Variants in C7 observed in about 807,000 individuals in gnomAD.
C7 encodes complement component C7.
In C7, 83 loss-of-function variants were observed where a neutral mutation model predicts 104.8. That is an observed-to-expected ratio of 0.79 (90% CI 0.66 to 0.95). The LOEUF is 0.95. C7 is among the 40% of genes least tolerant of loss of function. The pLI is 0.00. For synonymous variants in C7, 415 were observed against 360.6 expected, an observed-to-expected ratio of 1.15 and a Z score of -1.71; for missense variants, 1,070 against 1,011.2, an observed-to-expected ratio of 1.06 and a Z score of -0.79.
intron 1 of C7, among the ~76,000 whole-genome samples, chr5:40,910,155 C>G (rs1229126100): frequency 1.3e-5 from 2 of 151,722 alleles, no homozygotes; most frequent in Non-Finnish European, 1.5e-5. Context: ...AACTAAAGGT[C>G]TACCAAGTAT....
intron 1 of C7, among the ~76,000 whole-genome samples, chr5:40,919,937 AAAG>A (rs1739404837): frequency 6.6e-6 from 1 of 152,202 alleles, no homozygotes; most frequent in South Asian, 2.1e-4. Flanking sequence ...GGAAACAGAA[AAAG>A]AAGAATAAAC....
chr5:40,916,854 C>T (rs1352522492), intron 1 of C7, among the ~76,000 whole-genome samples: 2 of 152,108 alleles, frequency 1.3e-5, no homozygotes, highest in Non-Finnish European at 2.9e-5. Flanking sequence ...TAACCATATG[C>T]ATTACCTCCC....
intron 7 of C7, 41 bp from the exon 8 acceptor site, chr5:40,947,561 C>A: frequency 6.2e-7 from 1 of 1,605,074 alleles, no homozygotes; most frequent in Non-Finnish European, 8.5e-7. Context: ...GCCTTTTTAT[C>A]TTCCACCTAA....
chr5:40,951,120 A>G (rs775844770), intron 9 of C7, among the ~76,000 whole-genome samples: 2 of 152,198 alleles, frequency 1.3e-5, no homozygotes, highest in Non-Finnish European at 2.9e-5. Context: ...CAGAGTGAAG[A>G]TAAGGACCAA....
At chr5:40,979,581 G>A in intron 16 of C7, 144 bp from the exon 17 acceptor site, 1 of 600,354 alleles carries the variant, frequency 1.7e-6, no homozygotes, top group Non-Finnish European at 2.8e-6. Flanking sequence ...GAATGAAGGG[G>A]ATTTGAGTTT....
intron 7 of C7, among the ~76,000 whole-genome samples, chr5:40,945,872 ATACATAT>A: frequency 1.7e-5 from 1 of 59,424 alleles, no homozygotes; most frequent in Non-Finnish European, 3.1e-5. Context: ...TCAAAAAAAA[ATACATAT>A]ATATATATAT....
At chr5:40,975,652 C>T (rs908208379) in intron 15 of C7, among the ~76,000 whole-genome samples, 6 of 152,126 alleles carry the variant, frequency 3.9e-5, no homozygotes, top group African/African-American at 1.4e-4. Context: ...GCGTGAGCCA[C>T]CGCGCCCAGC....
At chr5:40,920,393 A>G (rs570188429) in intron 1 of C7, among the ~76,000 whole-genome samples, 5 of 152,200 alleles carry the variant, frequency 3.3e-5, no homozygotes, top group African/African-American at 1.2e-4. Flanking sequence ...ATATTTACAT[A>G]TTGTATAAAT....
chr5:40,936,344 G>A lies in C7; in HGVS notation c.287G>A (p.Cys96Tyr). 2 of 1,613,178 alleles carry A rather than the reference G, an allele frequency of 1.2e-6. No homozygotes were observed. Among genetic ancestry groups the A allele is most frequent in the South Asian group, 1.1e-5 (1 of 91,038 alleles). The change falls in exon 5 of 18, where the codon TGC (cysteine) becomes TAC (tyrosine). Residue 96 changes from cysteine (C) to tyrosine (Y), a missense_variant. Physicochemically the swap from Cys to Tyr is radical, Grantham distance 194 (BLOSUM62 -2). Coordinates refer to ENST00000313164, the MANE Select transcript of C7 (RefSeq NM_000587.4). ...GERFRCFSGQ[C>Y]ISKSLVCNGD... ...GGATTTCTCTGGTGTTCAGGTCAGT[G>A]CATCAGCAAATCATTGGTTTGCAAT...
intron 8 of C7, 50 bp downstream of exon 8, chr5:40,947,895 G>A: frequency 6.4e-7 from 1 of 1,556,922 alleles, no homozygotes; most frequent in Non-Finnish European, 8.8e-7. Context: ...GGATTTTAAT[G>A]GGGAAATAAC....
chr5:40,917,926 T>C (rs1739353960), intron 1 of C7, among the ~76,000 whole-genome samples: 1 of 152,116 alleles, frequency 6.6e-6, no homozygotes, highest in Admixed American at 6.6e-5. Flanking sequence ...ATCAAAAAAA[T>C]ATAAACTGTT....
At chr5:40,964,210 T>G (rs1277257841) in intron 13 of C7, among the ~76,000 whole-genome samples, 1 of 151,274 alleles carries the variant, frequency 6.6e-6, no homozygotes, top group Non-Finnish European at 1.5e-5. Flanking sequence ...GCCCTGCTAA[T>G]TTTTGTATTT....
chr5:40,964,051 TAGAG>T (rs1165757673), intron 13 of C7, among the ~76,000 whole-genome samples: 2 of 87,948 alleles, frequency 2.3e-5, no homozygotes, highest in African/African-American at 8.6e-5. Context: ...TTTTTTTTTT[TAGAG>T]AGAGAGAGAC....
intron 12 of C7, 75 bp downstream of exon 12, chr5:40,959,695 C>G: frequency 1.7e-6 from 2 of 1,156,518 alleles, no homozygotes. Context: ...CACATGATTG[C>G]TGCTGTCGAG....
chr5:40,931,879 C>A (rs556306585), intron 3 of C7, among the ~76,000 whole-genome samples: 1 of 152,308 alleles, frequency 6.6e-6, no homozygotes, highest in South Asian at 2.1e-4. Flanking sequence ...CTGCCTCAGC[C>A]TCCCAAGTAG....
intron 12 of C7, among the ~76,000 whole-genome samples, chr5:40,961,750 A>G (rs1376179): frequency 0.11 from 16,858 of 152,220 alleles, 1,173 homozygotes; most frequent in Non-Finnish European, 0.16. Context: ...AAACGGCAAG[A>G]GGAAAAATAG....
At chr5:40,943,228 A>G (rs1403432949) in intron 6 of C7, among the ~76,000 whole-genome samples, 1 of 152,216 alleles carries the variant, frequency 6.6e-6, no homozygotes, top group African/African-American at 2.4e-5. Context: ...ATAGGGAGAA[A>G]GGGGGAGAAT....
chr5:40,916,248 A>G (rs1285744306), intron 1 of C7, among the ~76,000 whole-genome samples: 1 of 152,198 alleles, frequency 6.6e-6, no homozygotes, highest in African/African-American at 2.4e-5. Context: ...ATCACATTTT[A>G]TGTACAATTT....
chr5:40,911,315 C>A (rs1363623267), intron 1 of C7, among the ~76,000 whole-genome samples: 1 of 152,316 alleles, frequency 6.6e-6, no homozygotes, highest in Middle Eastern at 3.4e-3. Flanking sequence ...TAAGAGGAAG[C>A]AATGTTTTGG....
Sources: gnomAD v4.1 joint callset for allele counts (sites outside exome capture counted in the v4.1 genomes callset) on GRCh38, gnomAD v4.1.1 for gene constraint, MANE v1.5 for transcripts, NCBI Gene and HGNC (gene_info 2026-07-23, HGNC 2026-07-21) for gene names.